TBCK: variants seen among roughly 807,000 people sequenced by gnomAD.
TBCK encodes the protein TBC domain-containing protein kinase-like protein.
Under a neutral mutation model 113.4 loss-of-function variants are expected in TBCK, and 99 were observed. That is an observed-to-expected ratio of 0.87 (90% CI 0.74 to 1.03). The LOEUF is 1.03. Among genes scored for constraint, TBCK ranks in the 50% least tolerant of loss-of-function variants. The pLI, the probability that TBCK is intolerant of heterozygous loss-of-function variation, is 0.00. For missense variants in TBCK, 1,045 were observed against 1,061.3 expected, an observed-to-expected ratio of 0.98 and a Z score of 0.21; for synonymous variants, 369 against 370.8, an observed-to-expected ratio of 1.00 and a Z score of 0.05.
At chr4:106,174,626 G>A (rs1751416758) in intron 22 of TBCK, among the ~76,000 whole-genome samples, 1 of 152,022 alleles carries the variant, frequency 6.6e-6, no homozygotes, top group African/African-American at 2.4e-5. Flanking sequence ...TACACAAAAA[G>A]TATGTTTTTG....
At chr4:106,104,535 C>T (rs760186393) in intron 24 of TBCK, among the ~76,000 whole-genome samples, 28 of 151,338 alleles carry the variant, frequency 1.9e-4, no homozygotes, top group Non-Finnish European at 3.2e-4. Flanking sequence ...GACCTCCCAA[C>T]CAGGGTCTCC....
At chr4:106,307,977 A>G (rs1767714182) in intron 2 of TBCK, among the ~76,000 whole-genome samples, 1 of 152,126 alleles carries the variant, frequency 6.6e-6, no homozygotes, top group Non-Finnish European at 1.5e-5. Flanking sequence ...AAAAAAATCT[A>G]CTGACTCCCT....
intron 19 of TBCK, among the ~76,000 whole-genome samples, chr4:106,214,216 G>C (rs1024997870): frequency 6.6e-6 from 1 of 152,114 alleles, no homozygotes; most frequent in East Asian, 1.9e-4. Flanking sequence ...AAACCCATCT[G>C]TACATCACAA....
chr4:106,115,066 T>C (rs1002787933), intron 24 of TBCK, among the ~76,000 whole-genome samples: 9 of 152,232 alleles, frequency 5.9e-5, no homozygotes, highest in African/African-American at 2.2e-4. Context: ...CCAATTGTAC[T>C]GTCAGAAACC....
intron 22 of TBCK, chr4:106,182,411 T>C (rs900488192): frequency 4.6e-5 from 7 of 152,148 alleles, no homozygotes; most frequent in African/African-American, 1.4e-4. Context: ...CTATGTTGAA[T>C]AGGAGTGGTG....
rs146944470 is a variant in TBCK at position 106,086,484 on chromosome 4, G to C, written c.2571+8998C>G. Among the ~76,000 whole-genome samples the C allele has an allele frequency of 5.2e-3, 793 of 152,314 alleles. 4 individuals carry two copies. The highest frequency in any genetic ancestry group is 0.017 in the African/African-American group (693 of 41,566). ...AAGCCCAGGACCAGATGGATTCACA[G>C]CTGAATTCTACCAGAAATACAAAGA... On this transcript the variant is annotated intron_variant, in intron 25 of 25. Transcript: ENST00000394708.
intron 22 of TBCK, among the ~76,000 whole-genome samples, chr4:106,175,071 G>A (rs1395920568): frequency 1.3e-5 from 2 of 150,640 alleles, no homozygotes; most frequent in Non-Finnish European, 2.9e-5. Flanking sequence ...AGGCTGCAGT[G>A]AGCAGTGATC....
chr4:106,078,008 A>T (rs1296761483), intron 25 of TBCK, among the ~76,000 whole-genome samples: 8 of 152,238 alleles, frequency 5.3e-5, no homozygotes, highest in Non-Finnish European at 1.2e-4. Context: ...TATTAAAACC[A>T]TACAATTACA....
chr4:106,208,116 T>G (rs1755731713), intron 20 of TBCK, among the ~76,000 whole-genome samples: 1 of 152,168 alleles, frequency 6.6e-6, no homozygotes, highest in Non-Finnish European at 1.5e-5. Context: ...TCCCATCCCA[T>G]ATGACTTAAA....
At chr4:106,290,868 C>A (rs976261479) in intron 3 of TBCK, among the ~76,000 whole-genome samples, 4 of 152,196 alleles carry the variant, frequency 2.6e-5, no homozygotes, top group African/African-American at 9.7e-5. Flanking sequence ...ACCATGCATG[C>A]GAGTGATCAG....
In TBCK at chr4:106,091,387, C is replaced by A. The variant is rs1740212525; in HGVS notation, c.2571+4095G>T. On this transcript the variant is annotated intron_variant, in intron 25 of 25. Coordinates refer to ENST00000394708, the MANE Select transcript of TBCK (RefSeq NM_001163435.3). ...TGCCCCCATGACCAAACACCTCCCA[C>A]TGTGTCCGGAACTGGTGGGTTCTTG... 2.0e-5 allele frequency among the ~76,000 whole-genome samples: 3 copies of A among 152,362 alleles called. No individual in the cohort carries two copies. In the South Asian group the frequency reaches 6.2e-4, roughly 32 times the overall value.
At chr4:106,194,673 T>C in intron 21 of TBCK, 45 bp downstream of exon 21, 3 of 1,516,570 alleles carry the variant, frequency 2.0e-6, no homozygotes, top group Admixed American at 1.9e-5. Flanking sequence ...CGGGCTGTCC[T>C]TTTGCTAATA....
chr4:106,242,479 C>T lies in TBCK; in HGVS notation c.1161G>A (p.Gln387=), dbSNP rs1051192711. The T allele has an allele frequency of 1.3e-6, 2 of 1,599,650 alleles. No individual in the cohort carries two copies. Among genetic ancestry groups the T allele is most frequent in the Admixed American group, 3.5e-5 (2 of 57,746 alleles). The part of the protein sequence containing the change: ...DDTTVTLSLC[Q]LRNRLKDVGG... ...AAAATATCTTTCTTACATTTCTTAGCTGGCATAACGACAATGTCACAGTGG... is the reference window on the plus strand; with the variant it reads ...AAAATATCTTTCTTACATTTCTTAGTTGGCATAACGACAATGTCACAGTGG... Residue 387 remains glutamine, a synonymous_variant, in exon 12 of 26, where the codon CAG becomes CAA. Coordinates refer to ENST00000394708, the MANE Select transcript of TBCK (RefSeq NM_001163435.3).
At chr4:106,241,644 T>C (rs927223883) in intron 12 of TBCK, among the ~76,000 whole-genome samples, 2 of 151,974 alleles carry the variant, frequency 1.3e-5, no homozygotes, top group Non-Finnish European at 2.9e-5. Context: ...AACTATTCAA[T>C]ATATGGTACT....
intron 20 of TBCK, among the ~76,000 whole-genome samples, chr4:106,210,436 T>A (rs1055767783): frequency 2.6e-5 from 4 of 152,202 alleles, no homozygotes; most frequent in Non-Finnish European, 5.9e-5. Context: ...TCTTGCATTT[T>A]CTGCCTGTAT....
intron 5 of TBCK, among the ~76,000 whole-genome samples, chr4:106,254,178 G>C (rs1216617953): frequency 6.6e-6 from 1 of 152,126 alleles, no homozygotes; most frequent in East Asian, 1.9e-4. Context: ...TTGTCACACA[G>C]GCACTCTCTG....
intron 2 of TBCK, among the ~76,000 whole-genome samples, chr4:106,303,332 CCT>C (rs1767149318): frequency 6.6e-6 from 1 of 152,162 alleles, no homozygotes; most frequent in Admixed American, 6.5e-5. Flanking sequence ...GCTTTTAAGC[CCT>C]TTTTTCTTTT....
intron 5 of TBCK, among the ~76,000 whole-genome samples, chr4:106,256,937 GA>G (rs1009645127): frequency 7.3e-5 from 11 of 151,166 alleles, no homozygotes; most frequent in African/African-American, 2.7e-4. Context: ...ATCTCAATTA[GA>G]AAAAAAAGAA....
chr4:106,161,693 GGTGTGTCTGTGTGTGTGT>G (rs1253133303), intron 23 of TBCK, among the ~76,000 whole-genome samples: 2 of 143,572 alleles, frequency 1.4e-5, no homozygotes, highest in Non-Finnish European at 3.1e-5. Flanking sequence ...ACCAGAATTA[GGTGTGTCTGTGTGTGTGT>G]GTGTGTGTGT....
Sources: allele counts gnomAD v4.1 joint callset (sites outside exome capture counted in the v4.1 genomes callset), GRCh38; gene constraint gnomAD v4.1.1; transcripts MANE v1.5; gene names NCBI Gene and HGNC (gene_info 2026-07-23, HGNC 2026-07-21).